Variants in GALNT2 observed in about 807,000 individuals in gnomAD.
GALNT2 encodes the protein UDP-GalNAc:polypeptide N-acetylgalactosaminyltransferase 2.
A neutral mutation model predicts 81.4 loss-of-function variants in GALNT2; 31 were observed. The ratio of observed to expected loss-of-function variants is 0.38; its 90% CI spans 0.29 to 0.51. The LOEUF is 0.51. Ranked by LOEUF, GALNT2 falls within the 20% of genes least tolerant of loss-of-function variation. The probability of loss-of-function intolerance (pLI) is 0.87; values close to 1 mark genes in which losing one functional copy is unlikely to be tolerated. For synonymous variants in GALNT2, 303 were observed against 287.4 expected, an observed-to-expected ratio of 1.05 and a Z score of -0.55; for missense variants, 629 against 765.7, an observed-to-expected ratio of 0.82 and a Z score of 2.11.
chr1:230,265,344 T>A lies in GALNT2; in HGVS notation c.1417T>A (p.Cys473Ser). 2 of 1,614,198 alleles carry A rather than the reference T, an allele frequency of 1.2e-6. No homozygotes were observed. Among genetic ancestry groups the A allele is most frequent in the South Asian group, 1.1e-5 (1 of 91,092 alleles). ...FADGVVGVYE[C>S]HNAGGNQEWA... is the part of the protein sequence containing the mutation. ...TGATGGTGTGGTTGGAGTTTATGAATGTCACAATGCTGGGGGAAACCAGGT... is the reference window on the plus strand; with the variant it reads ...TGATGGTGTGGTTGGAGTTTATGAAAGTCACAATGCTGGGGGAAACCAGGT... The change falls in exon 14 of 16, where the codon TGT (cysteine) becomes AGT (serine). Residue 473 changes from cysteine to serine, a missense_variant. Around this residue, in one of 3 missense-constraint regions of GALNT2, gnomAD observed 207 missense variants for 225.5 expected, o/e 0.92. Coordinates refer to ENST00000366672, the MANE Select transcript of GALNT2 (RefSeq NM_004481.5).
chr1:230,104,996 G>A (rs1433419810), intron 1 of GALNT2, among the ~76,000 whole-genome samples: 1 of 152,234 alleles, frequency 6.6e-6, no homozygotes, highest in African/African-American at 2.4e-5. Context: ...AGGCAGGAGG[G>A]CCACAGTGGC....
At chr1:230,265,443 C>CCCA in intron 14 of GALNT2, 76 bp downstream of exon 14, 1 of 1,588,542 alleles carries the variant, frequency 6.3e-7, no homozygotes, top group Non-Finnish European at 8.6e-7. Context: ...TGTTAGAAGT[C>CCCA]CCAGCTGCCA....
chr1:230,133,973 C>G (rs10864703), intron 1 of GALNT2, among the ~76,000 whole-genome samples: 41,777 of 151,888 alleles, frequency 0.28, 5,821 homozygotes, highest in African/African-American at 0.32. Flanking sequence ...CTTTTGCTTT[C>G]TGGTTTCCTC....
Position 230,279,536 on chromosome 1 carries a change from C to T in GALNT2, c.*78C>T. 1 of 1,518,818 alleles carries T rather than the reference C, an allele frequency of 6.6e-7. No individual in the cohort carries two copies. The highest frequency in any genetic ancestry group is 2.3e-5 in the East Asian group (1 of 43,804). The allele number at this position is 1,518,818 out of a possible 1,614,324, so 94.1% of individuals were successfully genotyped here. On this transcript the variant is annotated 3_prime_UTR_variant, in exon 16 of 16. Transcript: ENST00000366672. The surrounding 1 kb of genome is among the most constrained non-coding windows in gnomAD (Gnocchi z 4.6). ...GGTGATCACATTATTGATTATGTTT[C>T]TTAAACTTTCCGCGAAACTAATATA...
intron 11 of GALNT2, chr1:230,261,842 A>T (rs1484997312): frequency 2.0e-5 from 3 of 152,164 alleles, no homozygotes; most frequent in Admixed American, 6.5e-5. Context: ...AACCGTCTCT[A>T]CTAAAATTAC....
intron 1 of GALNT2, among the ~76,000 whole-genome samples, chr1:230,121,784 CA>C (rs1036608044): frequency 6.6e-5 from 10 of 152,110 alleles, no homozygotes; most frequent in African/African-American, 1.9e-4. Context: ...GCATAGATCC[CA>C]AAAAGGGGAC....
In GALNT2 at chr1:230,198,585, A is replaced by G. The variant is rs116498640; in HGVS notation, c.221-4552A>G. Among the ~76,000 whole-genome samples, 736 of 152,148 alleles carry G rather than the reference A, an allele frequency of 4.8e-3. 7 individuals carry two copies. Among genetic ancestry groups the G allele is most frequent in the African/African-American group, 0.017 (706 of 41,480 alleles). On this transcript the variant is annotated intron_variant, in intron 2 of 15. Coordinates refer to ENST00000366672, the MANE Select transcript of GALNT2 (RefSeq NM_004481.5). ...AGAGGACATGGCCATGCATGTGTGG[A>G]GCAGGGCAGTCTGTGGGACCACCTG...
At chr1:230,238,858 A>G (rs1665111043) in intron 6 of GALNT2, among the ~76,000 whole-genome samples, 1 of 152,198 alleles carries the variant, frequency 6.6e-6, no homozygotes, top group African/African-American at 2.4e-5. Flanking sequence ...AGCCTTATAA[A>G]ACAAGATGGA....
chr1:230,062,701 T>C (rs182295306), upstream of GALNT2, among the ~76,000 whole-genome samples: 263 of 152,330 alleles, frequency 1.7e-3, 1 homozygote, highest in African/African-American at 6.1e-3. Flanking sequence ...TCTTCTTTTT[T>C]AGGGCTGAAT....
intron 2 of GALNT2, among the ~76,000 whole-genome samples, chr1:230,189,345 G>A (rs1663443086): frequency 6.6e-6 from 1 of 152,064 alleles, no homozygotes; most frequent in Admixed American, 6.5e-5. Context: ...ATGTGCTGTT[G>A]GTTCAGTTAC....
chr1:230,173,929 T>C (rs1662875988), intron 1 of GALNT2, among the ~76,000 whole-genome samples: 2 of 152,134 alleles, frequency 1.3e-5, no homozygotes, highest in Non-Finnish European at 2.9e-5. Context: ...CTGCATTTAT[T>C]ATTGAGCAAC....
At chr1:230,259,391 T>C (rs1160978123) in intron 11 of GALNT2, 2 of 152,222 alleles carry the variant, frequency 1.3e-5, no homozygotes, top group Non-Finnish European at 2.9e-5. Context: ...ACAAAGTTTG[T>C]GTACATTAAA....
Position 230,124,897 on chromosome 1 carries a change from T to C in GALNT2, c.127-53321T>C, listed in dbSNP as rs147882120. On this transcript the variant is annotated intron_variant, in intron 1 of 15. Coordinates refer to ENST00000366672, the MANE Select transcript of GALNT2 (RefSeq NM_004481.5). ...GGTTAGTAACTCAGGATTGTGGCCC[T>C]GTGGTTACTGTGCACTAATCAGCCC... Among the ~76,000 whole-genome samples the C allele has an allele frequency of 1.2e-4, 18 of 152,306 alleles. 1 individual carries two copies. In the East Asian group the frequency reaches 2.5e-3, roughly 21 times the overall value.
At chr1:230,098,110 C>T (rs1173681835) in intron 1 of GALNT2, among the ~76,000 whole-genome samples, 2 of 152,140 alleles carry the variant, frequency 1.3e-5, no homozygotes, top group East Asian at 3.9e-4. Context: ...TACACTCACT[C>T]TTTTTAGCCC....
At chr1:230,081,876 G>A (rs1659742879) in intron 1 of GALNT2, among the ~76,000 whole-genome samples, 1 of 152,232 alleles carries the variant, frequency 6.6e-6, no homozygotes, top group Non-Finnish European at 1.5e-5. Flanking sequence ...TGTTACTACG[G>A]AGTAGCTGTG....
chr1:230,079,981 C>T lies in GALNT2; in HGVS notation c.126+12575C>T, dbSNP rs1335869668. Among the ~76,000 whole-genome samples the T allele has an allele frequency of 2.0e-5, 3 of 152,176 alleles. No individual in the cohort carries two copies. In the South Asian group the frequency reaches 6.2e-4, roughly 32 times the overall value. Reference sequence around the variant, plus strand: ...CCTAGGAAGATGTGAATTTGGCGTCCTTTGTTTTAGAAAGAAAAGGGATAG... The same window carrying T: ...CCTAGGAAGATGTGAATTTGGCGTCTTTTGTTTTAGAAAGAAAAGGGATAG... On this transcript the variant is annotated intron_variant, in intron 1 of 15. Coordinates refer to ENST00000366672, the MANE Select transcript of GALNT2 (RefSeq NM_004481.5).
intron 1 of GALNT2, among the ~76,000 whole-genome samples, chr1:230,068,627 C>T (rs1038706800): frequency 6.6e-6 from 1 of 152,180 alleles, no homozygotes; most frequent in African/African-American, 2.4e-5. Flanking sequence ...TAAATGTCCA[C>T]GCCGGGGTTT....
intron 3 of GALNT2, among the ~76,000 whole-genome samples, chr1:230,214,257 C>T (rs1664320137): frequency 1.3e-5 from 2 of 152,064 alleles, no homozygotes; most frequent in Non-Finnish European, 2.9e-5. Flanking sequence ...GGATTACAGG[C>T]ACCCACCACC....
intron 6 of GALNT2, among the ~76,000 whole-genome samples, chr1:230,240,235 A>T (rs1347270727): frequency 6.6e-6 from 1 of 152,064 alleles, no homozygotes; most frequent in African/African-American, 2.4e-5. Context: ...CTCCTTTGTT[A>T]TTGGAGGCTA....
Sources: gnomAD v4.1 joint callset for allele counts (sites outside exome capture counted in the v4.1 genomes callset) on GRCh38, gnomAD v4.1.1 for gene constraint, gnomAD v4.1.1 regional missense constraint, Gnocchi (gnomAD v3.1) non-coding constraint, MANE v1.5 for transcripts, NCBI Gene and HGNC (gene_info 2026-07-23, HGNC 2026-07-21) for gene names.